LY96: variants seen among roughly 807,000 people sequenced by gnomAD.
LY96 encodes lymphocyte antigen 96.
A neutral mutation model predicts 18.9 loss-of-function variants in LY96; 18 were observed. The observed-to-expected ratio is 0.95, with a 90% CI of 0.66 to 1.41. The LOEUF is 1.41. Ranked by LOEUF, LY96 falls within the 40% of genes most tolerant of loss-of-function variation. The pLI, the probability that LY96 is intolerant of heterozygous loss-of-function variation, is 0.00. For missense variants in LY96, 175 were observed against 182.4 expected (o/e 0.96, Z 0.23); for synonymous variants, 66 against 62.6 (o/e 1.06, Z -0.26).
chr8:74,064,252 A>G, the LY96 span, among the ~76,000 whole-genome samples: 1 of 152,196 alleles, frequency 6.6e-6, no homozygotes, highest in African/African-American at 2.4e-5. Flanking sequence ...AAAATTATAC[A>G]GCAGTGAAAA....
chr8:74,065,854 A>G, the LY96 span, among the ~76,000 whole-genome samples: 1 of 152,226 alleles, frequency 6.6e-6, no homozygotes, highest in Non-Finnish European at 1.5e-5. Context: ...CTGGGAATGG[A>G]GGAATGCTCT....
the LY96 span, among the ~76,000 whole-genome samples, chr8:74,073,664 T>G: frequency 2.0e-5 from 3 of 151,636 alleles, no homozygotes; most frequent in Admixed American, 2.0e-4. Context: ...TTTATTTATT[T>G]ATTTATTTAT....
chr8:74,088,654 C>T, the LY96 span, among the ~76,000 whole-genome samples: 37 of 152,236 alleles, frequency 2.4e-4, no homozygotes, highest in Admixed American at 1.4e-3. Flanking sequence ...GGCACGATCT[C>T]GGCTCACTGC....
At chr8:74,061,953 C>T in the LY96 span, among the ~76,000 whole-genome samples, 1 of 152,142 alleles carries the variant, frequency 6.6e-6, no homozygotes, top group Non-Finnish European at 1.5e-5. Context: ...AAGTACAGTG[C>T]ACACACAAAA....
the LY96 span, among the ~76,000 whole-genome samples, chr8:74,068,920 G>A: frequency 6.6e-6 from 1 of 152,008 alleles, no homozygotes; most frequent in Non-Finnish European, 1.5e-5. Context: ...TCAGCCTCCC[G>A]AGTAGCTGGG....
intron 1 of LY96, among the ~76,000 whole-genome samples, chr8:73,994,561 A>C (rs543292380): frequency 6.6e-6 from 1 of 152,166 alleles, no homozygotes; most frequent in Non-Finnish European, 1.5e-5. Flanking sequence ...ATCATGGCTC[A>C]CTGCAGCCTC....
chr8:73,991,629 G>C, intron 1 of LY96, 75 bp downstream of exon 1: 1 of 878,150 alleles, frequency 1.1e-6, no homozygotes, highest in East Asian at 2.5e-5. Context: ...ACCGTACACT[G>C]TTGTGGCTGG....
the LY96 span, among the ~76,000 whole-genome samples, chr8:74,084,915 C>T: frequency 2.0e-5 from 3 of 152,180 alleles, no homozygotes; most frequent in Non-Finnish European, 4.4e-5. Flanking sequence ...GCACCCAGCC[C>T]TCTCTTTCTC....
chr8:74,038,954 T>C, the LY96 span, among the ~76,000 whole-genome samples: 2 of 152,370 alleles, frequency 1.3e-5, no homozygotes, highest in South Asian at 4.1e-4. Context: ...ATAGTGGTTA[T>C]ACTAATTTAC....
At chr8:74,033,432 A>C (rs935951046), downstream of LY96, among the ~76,000 whole-genome samples, 5 of 152,236 alleles carry the variant, frequency 3.3e-5, no homozygotes, top group African/African-American at 1.2e-4. Context: ...AAAGATTGAC[A>C]AAAGGGACTG....
chr8:74,045,940 G>A, the LY96 span, among the ~76,000 whole-genome samples: 2 of 152,138 alleles, frequency 1.3e-5, no homozygotes, highest in Non-Finnish European at 2.9e-5. Flanking sequence ...GAGCACAGAG[G>A]ACAGTGGAGA....
the LY96 span, among the ~76,000 whole-genome samples, chr8:74,079,865 TAAAGAC>T: frequency 6.6e-6 from 1 of 152,058 alleles, no homozygotes; most frequent in African/African-American, 2.4e-5. Flanking sequence ...TGTGGATTCT[TAAAGAC>T]AGAGACTTAA....
intron 1 of LY96, among the ~76,000 whole-genome samples, chr8:73,996,321 C>CTTCT (rs1437678242): frequency 5.2e-4 from 22 of 42,318 alleles, no homozygotes; most frequent in African/African-American, 2.0e-3. Context: ...GTTTCTTTTC[C>CTTCT]TTCCTTCCTT....
the LY96 span, among the ~76,000 whole-genome samples, chr8:74,089,358 G>GT: frequency 6.6e-6 from 1 of 152,064 alleles, no homozygotes; most frequent in Non-Finnish European, 1.5e-5. Context: ...AAATTATGAA[G>GT]GATTTCAATT....
intron 1 of LY96, among the ~76,000 whole-genome samples, chr8:73,995,499 T>C (rs1402148822): frequency 6.6e-6 from 1 of 152,184 alleles, no homozygotes; most frequent in Non-Finnish European, 1.5e-5. Flanking sequence ...AGGCACTGTC[T>C]CCAAATGCAG....
At chr8:74,054,886 T>TA in the LY96 span, among the ~76,000 whole-genome samples, 495 of 151,732 alleles carry the variant, frequency 3.3e-3, 5 homozygotes, top group African/African-American at 0.011. Context: ...CCTGGGACTA[T>TA]AAAAAAATCA....
chr8:74,082,539 A>T, the LY96 span, among the ~76,000 whole-genome samples: 73 of 152,272 alleles, frequency 4.8e-4, no homozygotes, highest in African/African-American at 1.6e-3. Flanking sequence ...ATTGTTATTT[A>T]AAAAAACCCC....
the LY96 span, among the ~76,000 whole-genome samples, chr8:74,051,965 A>G: frequency 6.6e-6 from 1 of 151,630 alleles, no homozygotes; most frequent in African/African-American, 2.4e-5. Context: ...CTGTGTGAGT[A>G]AAATTTATTC....
At chr8:74,050,015 T>C in the LY96 span, among the ~76,000 whole-genome samples, 2,039 of 151,800 alleles carry the variant, frequency 0.013, 84 homozygotes, top group Admixed American at 0.077. Flanking sequence ...AGGACTCCAT[T>C]TTTTAAATAA....
Sources: allele counts gnomAD v4.1 joint callset (sites outside exome capture counted in the v4.1 genomes callset), GRCh38; gene constraint gnomAD v4.1.1; transcripts MANE v1.5; gene names NCBI Gene and HGNC (gene_info 2026-07-23, HGNC 2026-07-21).